NANS: variants seen among roughly 807,000 people sequenced by gnomAD.
The protein encoded by NANS is N-acetylneuraminate-9-phosphate synthase.
NANS carries 29 observed loss-of-function variants against 33.3 expected under a neutral mutation model. The observed-to-expected ratio is 0.87, with a 90% CI of 0.65 to 1.19. The LOEUF is 1.19. Ranked by LOEUF, NANS falls within the 50% of genes most tolerant of loss-of-function variation. The probability of loss-of-function intolerance (pLI) is 0.00; values close to 1 mark genes in which losing one functional copy is unlikely to be tolerated. For missense variants in NANS, 394 were observed against 461.1 expected, an observed-to-expected ratio of 0.85 and a Z score of 1.33; for synonymous variants, 163 against 177.2, an observed-to-expected ratio of 0.92 and a Z score of 0.64.
chr9:98,064,279 A>T (rs1389788482), intron 2 of NANS, among the ~76,000 whole-genome samples: 1 of 151,664 alleles, frequency 6.6e-6, no homozygotes, highest in Non-Finnish European at 1.5e-5. Flanking sequence ...TTAAAGACGG[A>T]GTCTTGGTCT....
intron 2 of NANS, among the ~76,000 whole-genome samples, chr9:98,071,732 G>C (rs969457049): frequency 1.3e-5 from 2 of 152,142 alleles, no homozygotes; most frequent in African/African-American, 4.8e-5. Context: ...CCATCCAGTG[G>C]TTCTCTCTAT....
chr9:98,065,728 T>C (rs1829129404), intron 2 of NANS, among the ~76,000 whole-genome samples: 1 of 151,888 alleles, frequency 6.6e-6, no homozygotes, highest in South Asian at 2.1e-4. Context: ...CTCCCAGAAT[T>C]CCCACGTGTT....
intron 4 of NANS, among the ~76,000 whole-genome samples, chr9:98,079,027 T>TGAA: frequency 6.6e-6 from 1 of 152,164 alleles, no homozygotes; most frequent in South Asian, 2.1e-4. Context: ...TCTTATTTTC[T>TGAA]AATGCTGAGC....
chr9:98,064,525 G>A (rs1829078226), intron 2 of NANS, among the ~76,000 whole-genome samples: 1 of 152,014 alleles, frequency 6.6e-6, no homozygotes, highest in Admixed American at 6.6e-5. Flanking sequence ...CAAAGTTCTG[G>A]GATTACAGGT....
At chr9:98,070,705 C>T (rs1246000242) in intron 2 of NANS, among the ~76,000 whole-genome samples, 1 of 152,104 alleles carries the variant, frequency 6.6e-6, no homozygotes, top group African/African-American at 2.4e-5. Flanking sequence ...CAGGCATGAG[C>T]CATCGCGCCT....
chr9:98,068,367 T>C (rs992883084), intron 2 of NANS, among the ~76,000 whole-genome samples: 10 of 152,126 alleles, frequency 6.6e-5, no homozygotes, highest in African/African-American at 2.4e-4. Context: ...CTCGAACTCC[T>C]GATCTCAAGT....
At chr9:98,057,039 C>G in intron 1 of NANS, 99 bp downstream of exon 1, 1 of 1,390,444 alleles carries the variant, frequency 7.2e-7, no homozygotes, top group Non-Finnish European at 9.4e-7. Context: ...GCTGGGTACC[C>G]TGGTCCGGCC....
intron 2 of NANS, chr9:98,075,392 T>C (rs942421330): frequency 1.4e-4 from 15 of 103,950 alleles, no homozygotes; most frequent in African/African-American, 5.3e-4. Flanking sequence ...AAGGAAACGG[T>C]GGGAGGGAGG....
chr9:98,066,142 T>C (rs549115144), intron 2 of NANS, among the ~76,000 whole-genome samples: 2 of 152,266 alleles, frequency 1.3e-5, no homozygotes, highest in Admixed American at 6.5e-5. Context: ...GAATCCATAG[T>C]AAGGAGAAAT....
Position 98,061,229 on chromosome 9 carries a change from C to A in NANS, c.348+232C>A, listed in dbSNP as rs1449791695. 9 of 505,714 alleles carry A rather than the reference C, an allele frequency of 1.8e-5. No individual in the cohort carries two copies. The East Asian group carries it at 2.1e-4, about 12-fold the overall frequency. 31.3% of individuals were successfully genotyped at this position (505,714 alleles called of 1,614,324 possible). A position where few individuals can be genotyped will look rare whatever the true frequency, so the allele number is the denominator to read the frequency against. On this transcript the variant is annotated intron_variant, in intron 2 of 5. Coordinates refer to ENST00000210444, the MANE Select transcript of NANS (RefSeq NM_018946.4). ...TGATGGCTCACACCTGTAATCCCGGCACTTTGGGAGACTGAGGGGGATGGA... is the reference window on the plus strand; with the variant it reads ...TGATGGCTCACACCTGTAATCCCGGAACTTTGGGAGACTGAGGGGGATGGA...
intron 2 of NANS, among the ~76,000 whole-genome samples, chr9:98,066,569 T>C (rs1304796612): frequency 6.6e-6 from 1 of 152,210 alleles, no homozygotes; most frequent in Non-Finnish European, 1.5e-5. Flanking sequence ...TAGAACATTT[T>C]TTATCACCCC....
In NANS at chr9:98,072,343, G is replaced by T. The variant is rs147423850; in HGVS notation, c.349-4575G>T. ...CTATTTGGGCAGGTAGGTTCCTCTG[G>T]ATGAGGAATGCCTTTTGTCCCCAGC... On this transcript the variant is annotated intron_variant, in intron 2 of 5. Coordinates refer to ENST00000210444, the MANE Select transcript of NANS (RefSeq NM_018946.4). Among the ~76,000 whole-genome samples the T allele has an allele frequency of 8.5e-5, 13 of 152,180 alleles. No homozygotes were observed. In the East Asian group the frequency reaches 2.5e-3, roughly 29 times the overall value.
intron 2 of NANS, among the ~76,000 whole-genome samples, chr9:98,074,344 G>C (rs371215690): frequency 1.9e-3 from 295 of 152,176 alleles, no homozygotes; most frequent in African/African-American, 6.8e-3. Flanking sequence ...TGAGGCTGCC[G>C]GGCTGCATGG....
chr9:98,065,142 G>T (rs1484288184), intron 2 of NANS, among the ~76,000 whole-genome samples: 1 of 152,070 alleles, frequency 6.6e-6, no homozygotes, highest in Non-Finnish European at 1.5e-5. Context: ...GAACCAAAGG[G>T]ACATTATTGT....
At chr9:98,057,027 CG>C in intron 1 of NANS, 87 bp downstream of exon 1, 1 of 1,429,452 alleles carries the variant, frequency 7.0e-7, no homozygotes, top group South Asian at 1.4e-5. Flanking sequence ...ACGGCCTCCG[CG>C]GCTGGGTACC....
rs1491129722 is a variant in NANS at position 98,057,921 on chromosome 9, G to GT, written c.132+981_132+982insT. On this transcript the variant is annotated intron_variant, in intron 1 of 5. Coordinates refer to ENST00000210444, the MANE Select transcript of NANS (RefSeq NM_018946.4). ...CTTACTGTTTTTTTTTTTTTTTCCT[G>GT]GTTTTTTTTTTTTTTTTTTTTGAGA... 4.6e-3 allele frequency among the ~76,000 whole-genome samples: 403 copies of GT among 87,446 alleles called. 4 individuals are homozygous for GT. Among genetic ancestry groups the GT allele is most frequent in the African/African-American group, 0.013 (243 of 18,554 alleles). The allele number at this position is 87,446 out of a possible 152,430, so 57.4% of individuals were successfully genotyped here.
At position 98,056,740 on chromosome 9, in the gene NANS, G is replaced by A; in HGVS notation, c.-69G>A. 3.2e-6 allele frequency: 5 copies of A among 1,564,418 alleles called. No individual in the cohort carries two copies. The highest frequency in any genetic ancestry group is 4.3e-6 in the Non-Finnish European group (5 of 1,159,516). ...GTCTCGCAGCGTTGCTCACAGAACA[G>A]AGTAGAGGCGGCGGCGGCGGCGGCC... On this transcript the variant is annotated 5_prime_UTR_variant, in exon 1 of 6. Transcript: ENST00000210444.
chr9:98,064,209 G>A (rs557091715), intron 2 of NANS, among the ~76,000 whole-genome samples: 15 of 152,092 alleles, frequency 9.9e-5, no homozygotes, highest in Admixed American at 2.0e-4. Flanking sequence ...GCATTCGTAC[G>A]CATGACATTC....
intron 1 of NANS, among the ~76,000 whole-genome samples, chr9:98,058,374 C>T (rs1367769582): frequency 6.6e-6 from 1 of 152,144 alleles, no homozygotes; most frequent in Non-Finnish European, 1.5e-5. Context: ...TTTACAACAA[C>T]CCAATGCCAT....
Sources: gnomAD v4.1 joint callset for allele counts (sites outside exome capture counted in the v4.1 genomes callset) on GRCh38, gnomAD v4.1.1 for gene constraint, MANE v1.5 for transcripts, NCBI Gene and HGNC (gene_info 2026-07-23, HGNC 2026-07-21) for gene names.